Variants in ATP10D observed in about 807,000 individuals in gnomAD.
ATP10D encodes the protein ATPase phospholipid transporting 10D (putative).
A neutral mutation model predicts 144.8 loss-of-function variants in ATP10D; 89 were observed. That is an observed-to-expected ratio of 0.61 (90% confidence interval 0.52 to 0.73). The LOEUF (loss-of-function observed/expected upper bound fraction) is 0.73. Ranked by LOEUF, ATP10D falls within the 30% of genes least tolerant of loss-of-function variation. ATP10D has a pLI of 0.00. For synonymous variants in ATP10D, 571 were observed against 615.1 expected (o/e 0.93, Z 1.06); for missense variants, 1,603 against 1,714.8 (o/e 0.93, Z 1.15).
At chr4:47,560,754 G>A (rs996121003) in intron 13 of ATP10D, among the ~76,000 whole-genome samples, 195 bp from the exon 14 acceptor site, 3 of 151,264 alleles carry the variant, frequency 2.0e-5, no homozygotes. Flanking sequence ...CATCATCAGT[G>A]TTGCACTAGT....
At chr4:47,579,571 G>C (rs1241496816) in intron 19 of ATP10D, among the ~76,000 whole-genome samples, 1 of 152,182 alleles carries the variant, frequency 6.6e-6, no homozygotes, top group Non-Finnish European at 1.5e-5. Flanking sequence ...AGGAGGTCCA[G>C]GAAAAGAATT....
chr4:47,537,293 G>T (rs1431303372), intron 9 of ATP10D, among the ~76,000 whole-genome samples: 1 of 152,044 alleles, frequency 6.6e-6, no homozygotes, highest in Non-Finnish European at 1.5e-5. Context: ...GGCATTACAG[G>T]CTCCTTCTAG....
intron 9 of ATP10D, among the ~76,000 whole-genome samples, chr4:47,542,627 G>A (rs983716677): frequency 4.6e-5 from 7 of 151,732 alleles, no homozygotes; most frequent in African/African-American, 7.3e-5. Flanking sequence ...ACAGGTGCCC[G>A]CCACCACACC....
At chr4:47,497,448 T>A (rs539623185) in intron 1 of ATP10D, among the ~76,000 whole-genome samples, 60 of 151,592 alleles carry the variant, frequency 4.0e-4, no homozygotes, top group Non-Finnish European at 6.9e-4. Context: ...AGAGCGAAAC[T>A]CCGTCTCAAA....
chr4:47,565,390 C>T (rs1719571662), intron 15 of ATP10D, among the ~76,000 whole-genome samples: 1 of 152,202 alleles, frequency 6.6e-6, no homozygotes, highest in Admixed American at 6.5e-5. Context: ...CACCAGCCAA[C>T]TCCCAGTAGC....
chr4:47,512,651 G>C lies in ATP10D; in HGVS notation c.111G>C (p.Gly37=), dbSNP rs1716405946. The C allele has an allele frequency of 6.2e-7, 1 of 1,614,130 alleles. No individual in the cohort carries two copies. Among genetic ancestry groups the C allele is most frequent in the Non-Finnish European group, 8.5e-7 (1 of 1,180,022 alleles). The change falls in exon 2 of 23, where the codon GGG becomes GGC. Residue 37 remains glycine (G), a synonymous_variant. Coordinates refer to ENST00000273859, the MANE Select transcript of ATP10D (RefSeq NM_020453.4). The part of the protein sequence containing the change: ...PYNYSSLLAC[G]RKSSQTPKLS... ...ACTATTCCTCGTTGCTCGCCTGTGG[G>C]CGCAAGTCCTCTCAGACCCCTAAAC...
At position 47,554,815 on chromosome 4, in the gene ATP10D, A is replaced by G. The variant is rs1274166374; in HGVS notation, c.1725A>G (p.Gln575=). ...TTATGCCACTAGATGAGACCATCCA[A>G]AATCCACCAATGGAAACTTTGTACA... The part of the protein sequence containing the change: ...RLFMPLDETI[Q]NPPMETLYII... The change falls in exon 11 of 23, where the codon CAA becomes CAG. Residue 575 remains glutamine (Q), a synonymous_variant. Coordinates refer to ENST00000273859, the MANE Select transcript of ATP10D (RefSeq NM_020453.4). 6 of 1,614,158 alleles carry G rather than the reference A, an allele frequency of 3.7e-6. No individual in the cohort carries two copies. Among genetic ancestry groups the G allele is most frequent in the Non-Finnish European group, 4.2e-6 (5 of 1,179,990 alleles).
At position 47,512,413 on chromosome 4, in the gene ATP10D, T is replaced by C. The variant is rs1316380297; in HGVS notation, c.-37-91T>C. On this transcript the variant is annotated intron_variant, in intron 1 of 22. Coordinates refer to ENST00000273859, the MANE Select transcript of ATP10D (RefSeq NM_020453.4). The stretch of plus-strand genomic sequence containing the variant: ...TTACATGTTGAACCATTGGGTCATA[T>C]ATTTATTTGGTATAGAAAAAATATT... 4.9e-6 allele frequency: 4 copies of C among 822,850 alleles called. No individual in the cohort carries two copies. The African/African-American group carries it at 6.9e-5, about 14-fold the overall frequency. 51.0% of individuals were successfully genotyped at this position (822,850 alleles called of 1,614,324 possible).
chr4:47,515,291 C>T (rs1716572494), intron 2 of ATP10D, among the ~76,000 whole-genome samples, 185 bp from the exon 3 acceptor site: 1 of 152,086 alleles, frequency 6.6e-6, no homozygotes, highest in Non-Finnish European at 1.5e-5. Context: ...AAGAATGACA[C>T]AAGCCAGATG....
intron 22 of ATP10D, among the ~76,000 whole-genome samples, chr4:47,587,958 G>A (rs1720865793): frequency 6.6e-6 from 1 of 151,360 alleles, no homozygotes; most frequent in African/African-American, 2.5e-5. Flanking sequence ...AAGCAGCTTT[G>A]TTTTTATATT....
intron 9 of ATP10D, among the ~76,000 whole-genome samples, chr4:47,545,012 A>G (rs1718341592): frequency 6.6e-6 from 1 of 152,212 alleles, no homozygotes; most frequent in African/African-American, 2.4e-5. Context: ...TTGGTAGAAA[A>G]TTAAAATAAG....
chr4:47,513,723 A>G (rs1716484983), intron 2 of ATP10D, among the ~76,000 whole-genome samples: 1 of 152,210 alleles, frequency 6.6e-6, no homozygotes, highest in African/African-American at 2.4e-5. Context: ...AGAAAGATAG[A>G]TGTGACCCAG....
rs1717251213 is a variant in ATP10D at position 47,526,487 on chromosome 4, G to T, written c.776+845G>T. Among the ~76,000 whole-genome samples, 3 of 152,296 alleles carry T rather than the reference G, an allele frequency of 2.0e-5. No homozygotes were observed. The South Asian group carries it at 6.2e-4, about 32-fold the overall frequency. On this transcript the variant is annotated intron_variant, in intron 5 of 22. Transcript: ENST00000273859. Reference sequence around the variant, plus strand: ...TAATCATGAAATACTTCTCCCCTGAGATCAGGAACAAGACAAGCTTACACT... The same window carrying T: ...TAATCATGAAATACTTCTCCCCTGATATCAGGAACAAGACAAGCTTACACT...
chr4:47,507,643 A>G (rs1207676960), intron 1 of ATP10D, among the ~76,000 whole-genome samples: 1 of 152,222 alleles, frequency 6.6e-6, no homozygotes, highest in Non-Finnish European at 1.5e-5. Context: ...TCAGTGATCA[A>G]CAGACATTTA....
At chr4:47,555,309 A>G (rs1224219086) in intron 11 of ATP10D, among the ~76,000 whole-genome samples, 1 of 152,208 alleles carries the variant, frequency 6.6e-6, no homozygotes, top group African/African-American at 2.4e-5. Flanking sequence ...TAATACCCAG[A>G]GAATCTAATA....
chr4:47,549,869 G>A (rs916583259), intron 10 of ATP10D, among the ~76,000 whole-genome samples: 4 of 152,108 alleles, frequency 2.6e-5, no homozygotes, highest in African/African-American at 9.7e-5. Context: ...CACGTGGTAC[G>A]TGCAGACGTT....
chr4:47,496,759 C>T (rs990046357), intron 1 of ATP10D, among the ~76,000 whole-genome samples: 1 of 151,808 alleles, frequency 6.6e-6, no homozygotes, highest in Non-Finnish European at 1.5e-5. Context: ...TGTGTTTGTT[C>T]AGGCTTTTTT....
Position 47,502,769 on chromosome 4 carries a change from G to A in ATP10D, c.-37-9735G>A, listed in dbSNP as rs867091976. Among the ~76,000 whole-genome samples the A allele has an allele frequency of 2.6e-5, 4 of 151,312 alleles. No homozygotes were observed. The Middle Eastern group carries it at 0.01, about 391-fold the overall frequency. ...AACTGAAGAAATTCTTACTGAGTGC[G>A]TGCTTGGAAACAGTAAGAATGGGTA... On this transcript the variant is annotated intron_variant, in intron 1 of 22. Transcript: ENST00000273859.
chr4:47,550,496 C>A (rs1014871807), intron 10 of ATP10D, among the ~76,000 whole-genome samples: 1 of 151,884 alleles, frequency 6.6e-6, no homozygotes, highest in Admixed American at 6.6e-5. Flanking sequence ...TTGGGGGGGG[C>A]GGTCCTTGCT....
Sources: allele counts gnomAD v4.1 joint callset (sites outside exome capture counted in the v4.1 genomes callset), GRCh38; gene constraint gnomAD v4.1.1; transcripts MANE v1.5; gene names NCBI Gene and HGNC (gene_info 2026-07-23, HGNC 2026-07-21).